COMMD1: variants seen among roughly 807,000 people sequenced by gnomAD.
The protein encoded by COMMD1 is copper metabolism domain containing 1.
Under a neutral mutation model 17.2 loss-of-function variants are expected in COMMD1, and 10 were observed. The ratio of observed to expected loss-of-function variants is 0.58; its 90% CI spans 0.36 to 0.99. The LOEUF (loss-of-function observed/expected upper bound fraction) is 0.99, where lower values mean the gene tolerates loss of function less well. Ranked by LOEUF, COMMD1 falls within the 50% of genes least tolerant of loss-of-function variation. COMMD1 has a pLI of 0.01. For missense variants in COMMD1, 270 were observed against 231.8 expected, an observed-to-expected ratio of 1.17 and a Z score of -1.07; for synonymous variants, 97 against 91.6, an observed-to-expected ratio of 1.06 and a Z score of -0.34.
intron 1 of COMMD1, among the ~76,000 whole-genome samples, chr2:61,920,442 T>A (rs1206185022): frequency 2.0e-5 from 3 of 152,086 alleles, no homozygotes; most frequent in African/African-American, 4.8e-5. Context: ...TTGTAATTGC[T>A]TCTGGAGACT....
chr2:62,017,033 ATAAT>A (rs1669468913), intron 2 of COMMD1, among the ~76,000 whole-genome samples: 2 of 152,240 alleles, frequency 1.3e-5, no homozygotes. Flanking sequence ...ATAACTCTGT[ATAAT>A]TAATTAAACA....
At chr2:62,021,164 G>T (rs1215752270) in intron 2 of COMMD1, among the ~76,000 whole-genome samples, 1 of 152,188 alleles carries the variant, frequency 6.6e-6, no homozygotes, top group African/African-American at 2.4e-5. Context: ...ACATCTTTTA[G>T]ATCGTTTTCT....
intron 1 of COMMD1, among the ~76,000 whole-genome samples, chr2:61,927,875 C>T (rs1450890679): frequency 6.6e-6 from 1 of 152,100 alleles, no homozygotes; most frequent in Non-Finnish European, 1.5e-5. Context: ...AGTGATTTAC[C>T]TGTCTCCGCC....
chr2:61,956,076 G>T (rs116501388), intron 1 of COMMD1, among the ~76,000 whole-genome samples: 1,838 of 152,282 alleles, frequency 0.012, 41 homozygotes, highest in African/African-American at 0.043. Context: ...TTTATCTGTG[G>T]TATTACCGTT....
intron 1 of COMMD1, among the ~76,000 whole-genome samples, chr2:61,932,197 T>A (rs557330253): frequency 6.6e-6 from 1 of 152,210 alleles, no homozygotes; most frequent in Non-Finnish European, 1.5e-5. Flanking sequence ...AATTATTCTC[T>A]AACAGTAATG....
At chr2:62,044,090 A>G (rs1670309717) in intron 2 of COMMD1, among the ~76,000 whole-genome samples, 2 of 152,156 alleles carry the variant, frequency 1.3e-5, no homozygotes, top group African/African-American at 2.4e-5. Flanking sequence ...TCTTGCTGCT[A>G]ATCTCCAGGT....
intron 2 of COMMD1, among the ~76,000 whole-genome samples, chr2:62,067,760 C>T (rs926624144): frequency 6.6e-6 from 1 of 152,114 alleles, no homozygotes; most frequent in African/African-American, 2.4e-5. Flanking sequence ...GATTCCTTTC[C>T]TTTGCATATA....
At chr2:62,054,666 G>C (rs1670637359) in intron 2 of COMMD1, among the ~76,000 whole-genome samples, 1 of 152,162 alleles carries the variant, frequency 6.6e-6, no homozygotes, top group Non-Finnish European at 1.5e-5. Context: ...GTGTTCAGGT[G>C]AATGTAGAGA....
intron 2 of COMMD1, among the ~76,000 whole-genome samples, chr2:62,095,261 T>C (rs1671968745): frequency 6.6e-6 from 1 of 152,188 alleles, no homozygotes; most frequent in Non-Finnish European, 1.5e-5. Flanking sequence ...ATGCGAAACA[T>C]TCAAATGCAG....
chr2:62,065,338 CTTTTTTTTTT>C (rs57243558), intron 2 of COMMD1, among the ~76,000 whole-genome samples: 1 of 44,378 alleles, frequency 2.3e-5, no homozygotes, highest in South Asian at 1.3e-3. Context: ...TATGTACTTA[CTTTTTTTTTT>C]TTTTTTTTTT....
chr2:62,129,107 G>T (rs1672960132), intron 2 of COMMD1, among the ~76,000 whole-genome samples: 1 of 152,296 alleles, frequency 6.6e-6, no homozygotes, highest in East Asian at 1.9e-4. Context: ...TTTGTATTTG[G>T]TGATTCTATG....
intron 1 of COMMD1, among the ~76,000 whole-genome samples, chr2:61,990,031 G>A (rs1399480994): frequency 6.6e-6 from 1 of 152,198 alleles, no homozygotes; most frequent in Non-Finnish European, 1.5e-5. Flanking sequence ...ATCGAAGCCT[G>A]AAGAAAGAGG....
chr2:62,098,325 A>G (rs988544467), intron 2 of COMMD1, among the ~76,000 whole-genome samples: 1 of 151,788 alleles, frequency 6.6e-6, no homozygotes, highest in African/African-American at 2.4e-5. Context: ...CACCCAGCTA[A>G]TTTTTTATTT....
In COMMD1 at chr2:62,071,231, G is replaced by A. The variant is rs114129427; in HGVS notation, c.463-64600G>A. Among the ~76,000 whole-genome samples, 1,270 of 152,272 alleles carry A rather than the reference G, an allele frequency of 8.3e-3. 27 individuals carry two copies. Among genetic ancestry groups the A allele is most frequent in the African/African-American group, 0.03 (1,230 of 41,552 alleles). ...ATACCATAGATGGTAATTTCCTGAC[G>A]TTGCCATGGGATTTGTAAGCTGTAG... On this transcript the variant is annotated intron_variant, in intron 2 of 2. Transcript: ENST00000311832.
intron 2 of COMMD1, among the ~76,000 whole-genome samples, chr2:62,061,485 T>G (rs1206950344): frequency 2.0e-5 from 3 of 152,144 alleles, no homozygotes. Flanking sequence ...AGTTTACTTG[T>G]CAGCCAGAAA....
intron 2 of COMMD1, among the ~76,000 whole-genome samples, chr2:62,051,676 A>C (rs1327068876): frequency 6.6e-6 from 1 of 152,180 alleles, no homozygotes; most frequent in African/African-American, 2.4e-5. Context: ...CTCTTTCAGG[A>C]ATGAATTTTT....
chr2:62,046,785 A>G (rs1033570156), intron 2 of COMMD1, among the ~76,000 whole-genome samples: 2 of 152,226 alleles, frequency 1.3e-5, no homozygotes, highest in African/African-American at 4.8e-5. Flanking sequence ...CACATTATTC[A>G]GTTGTTTCAC....
chr2:62,050,714 A>G (rs1670512527), intron 2 of COMMD1, among the ~76,000 whole-genome samples: 1 of 152,206 alleles, frequency 6.6e-6, no homozygotes. Flanking sequence ...TTAAAAATAT[A>G]TTTCTCATCA....
At chr2:61,964,462 A>G (rs1161527237) in intron 1 of COMMD1, among the ~76,000 whole-genome samples, 1 of 151,730 alleles carries the variant, frequency 6.6e-6, no homozygotes, top group Non-Finnish European at 1.5e-5. Context: ...AATCCGCCCC[A>G]TTTGGCCTCC....
Sources: allele counts gnomAD v4.1 joint callset (sites outside exome capture counted in the v4.1 genomes callset), GRCh38; gene constraint gnomAD v4.1.1; transcripts MANE v1.5; gene names NCBI Gene and HGNC (gene_info 2026-07-23, HGNC 2026-07-21).